The following MIPEP variants were observed in gnomAD, a reference collection of about 807,000 sequenced individuals.
MIPEP encodes mitochondrial intermediate peptidase.
In MIPEP, 79 loss-of-function variants were observed where a neutral mutation model predicts 90.3. The ratio of observed to expected loss-of-function variants is 0.87; its 90% CI spans 0.73 to 1.05. MIPEP has a LOEUF of 1.05. Among genes scored for constraint, MIPEP ranks in the 50% least tolerant of loss-of-function variants. The probability of loss-of-function intolerance (pLI) is 0.00; values close to 1 mark genes in which losing one functional copy is unlikely to be tolerated. For missense variants in MIPEP, 940 were observed against 905.6 expected (o/e 1.04, Z -0.49); for synonymous variants, 334 against 315.8 (o/e 1.06, Z -0.61).
chr13:23,768,659 C>T (rs1952617581), intron 16 of MIPEP, among the ~76,000 whole-genome samples: 1 of 152,148 alleles, frequency 6.6e-6, no homozygotes, highest in South Asian at 2.1e-4. Context: ...TCACCTGAGC[C>T]TGGGAGCAGA....
At chr13:23,803,379 C>A (rs1194029176) in intron 16 of MIPEP, among the ~76,000 whole-genome samples, 2 of 152,062 alleles carry the variant, frequency 1.3e-5, no homozygotes, top group Non-Finnish European at 2.9e-5. Context: ...ACAACAACAA[C>A]AACAACAACA....
chr13:23,738,601 C>T (rs867990874), intron 18 of MIPEP, among the ~76,000 whole-genome samples: 2 of 151,658 alleles, frequency 1.3e-5, no homozygotes, highest in African/African-American at 2.4e-5. Flanking sequence ...GAATGCACCA[C>T]CACGCCCAGC....
rs201239803 is a variant in MIPEP at position 23,741,825 on chromosome 13, TA to T, written c.2045-11381del. Among the ~76,000 whole-genome samples the T allele has an allele frequency of 3.0e-3, 445 of 148,822 alleles. 2 individuals carry two copies. Among genetic ancestry groups the T allele is most frequent in the African/African-American group, 0.011 (425 of 40,160 alleles). ...GTACACCGAACCTAGAAAAAAAATT[TA>T]AAAAAAAAAAATAAAAGTTAAAAGC... On this transcript the variant is annotated intron_variant, in intron 18 of 18. Transcript: ENST00000382172.
At chr13:23,813,472 T>C (rs1049639778) in intron 14 of MIPEP, among the ~76,000 whole-genome samples, 1 of 152,182 alleles carries the variant, frequency 6.6e-6, no homozygotes, top group African/African-American at 2.4e-5. Flanking sequence ...TAGTGTATGT[T>C]TTAGAAAATA....
chr13:23,732,394 A>G (rs894983959), intron 18 of MIPEP, among the ~76,000 whole-genome samples: 9 of 151,868 alleles, frequency 5.9e-5, no homozygotes, highest in Non-Finnish European at 1.2e-4. Context: ...GTCTTACGAA[A>G]CTAAACATAG....
At chr13:23,770,099 T>G (rs899893763) in intron 16 of MIPEP, among the ~76,000 whole-genome samples, 1 of 152,202 alleles carries the variant, frequency 6.6e-6, no homozygotes, top group Admixed American at 6.5e-5. Context: ...CGGTTTCAGG[T>G]ATTCTGTTAT....
chr13:23,730,390 G>T lies in MIPEP; in HGVS notation c.2100C>A (p.Asp700Glu). The change falls in exon 19 of 19, where the codon GAC (aspartate) becomes GAA (glutamate). Residue 700 changes from aspartate (D) to glutamate (E), a missense_variant. Transcript: ENST00000382172. ...GGAAAGTTTCGAAGTCCAGATCCAA[G>T]TCGGAAACGAGGGCACTTACGAAGT... is the stretch of plus-strand genomic sequence containing the variant. ...VDDFVSALVS[D>E]LDLDFETFLM... The T allele has an allele frequency of 2.5e-6, 4 of 1,612,816 alleles. No homozygotes were observed. The highest frequency in any genetic ancestry group is 3.4e-6 in the Non-Finnish European group (4 of 1,179,124).
intron 16 of MIPEP, among the ~76,000 whole-genome samples, chr13:23,769,441 G>A (rs144085152): frequency 8.4e-4 from 128 of 152,352 alleles, no homozygotes; most frequent in African/African-American, 3.1e-3. Flanking sequence ...TGTAGACCAT[G>A]AGATTTTCTC....
intron 7 of MIPEP, among the ~76,000 whole-genome samples, chr13:23,864,659 C>T (rs551993633): frequency 4.1e-5 from 6 of 146,240 alleles, no homozygotes; most frequent in Admixed American, 1.4e-4. Flanking sequence ...TAGCTTGAAC[C>T]CAGGAGGTAG....
At chr13:23,866,027 C>A (rs949155262) in intron 7 of MIPEP, among the ~76,000 whole-genome samples, 1 of 152,074 alleles carries the variant, frequency 6.6e-6, no homozygotes, top group Non-Finnish European at 1.5e-5. Context: ...TGAAACCCCC[C>A]ACTAAGTGCC....
At chr13:23,771,706 T>A (rs1379196354) in intron 16 of MIPEP, among the ~76,000 whole-genome samples, 2 of 152,206 alleles carry the variant, frequency 1.3e-5, no homozygotes, top group Non-Finnish European at 2.9e-5. Flanking sequence ...TCATGTTTCA[T>A]CTGAAACCCG....
chr13:23,813,107 CAT>C (rs1004494829), intron 14 of MIPEP, among the ~76,000 whole-genome samples: 9 of 151,900 alleles, frequency 5.9e-5, no homozygotes, highest in Middle Eastern at 3.4e-3. Context: ...CTTTTTAAAA[CAT>C]AACAAATTTG....
At chr13:23,822,423 C>T (rs1953316927) in intron 14 of MIPEP, among the ~76,000 whole-genome samples, 1 of 152,224 alleles carries the variant, frequency 6.6e-6, no homozygotes. Flanking sequence ...CATTGCCCCA[C>T]CCCGCAAGGC....
At chr13:23,771,493 T>C (rs1205611546) in intron 16 of MIPEP, among the ~76,000 whole-genome samples, 1 of 151,802 alleles carries the variant, frequency 6.6e-6, no homozygotes, top group African/African-American at 2.4e-5. Context: ...ATTATAAAGT[T>C]ATCAACAAAT....
chr13:23,775,994 T>G (rs1453283457), intron 16 of MIPEP, among the ~76,000 whole-genome samples: 1 of 152,198 alleles, frequency 6.6e-6, no homozygotes, highest in Non-Finnish European at 1.5e-5. Flanking sequence ...AAAAAACAGA[T>G]GTTTTTAAGT....
chr13:23,848,802 G>A (rs975314591), intron 10 of MIPEP, among the ~76,000 whole-genome samples: 4 of 152,150 alleles, frequency 2.6e-5, no homozygotes, highest in East Asian at 3.9e-4. Flanking sequence ...CATCCAGAGC[G>A]AGACTACATG....
chr13:23,870,463 T>C (rs1443335819), intron 5 of MIPEP, among the ~76,000 whole-genome samples: 1 of 152,160 alleles, frequency 6.6e-6, no homozygotes, highest in Non-Finnish European at 1.5e-5. Flanking sequence ...TAACTTCTAG[T>C]TCTATTTTAT....
At chr13:23,817,935 G>C (rs1453594256) in intron 14 of MIPEP, among the ~76,000 whole-genome samples, 5 of 150,576 alleles carry the variant, frequency 3.3e-5, no homozygotes, top group Non-Finnish European at 7.3e-5. Context: ...GCATACAATT[G>C]ATAGATGAGG....
At chr13:23,759,614 T>C (rs1002912525) in intron 17 of MIPEP, among the ~76,000 whole-genome samples, 4 of 152,172 alleles carry the variant, frequency 2.6e-5, no homozygotes, top group Non-Finnish European at 5.9e-5. Flanking sequence ...GTTTAACCAC[T>C]ACCTGGCCTT....
Sources: allele counts gnomAD v4.1 joint callset (sites outside exome capture counted in the v4.1 genomes callset), GRCh38; gene constraint gnomAD v4.1.1; transcripts MANE v1.5; gene names NCBI Gene and HGNC (gene_info 2026-07-23, HGNC 2026-07-21).